MS4A4E: variants seen among roughly 807,000 people sequenced by gnomAD.
MS4A4E encodes membrane spanning 4-domains A4E.
Under a neutral mutation model 13.3 loss-of-function variants are expected in MS4A4E, and 23 were observed. That is an observed-to-expected ratio of 1.73 (90% CI 1.25 to 2.45). The LOEUF (loss-of-function observed/expected upper bound fraction) is 2.45. Among genes scored for constraint, MS4A4E ranks in the 30% most tolerant of loss-of-function variants. The pLI is 0.00. For synonymous variants in MS4A4E, 36 were observed against 45.6 expected, an observed-to-expected ratio of 0.79 and a Z score of 0.85; for missense variants, 144 against 131.2, an observed-to-expected ratio of 1.10 and a Z score of -0.48.
chr11:60,203,249 A>G (rs192471098), intron 8 of MS4A4E, among the ~76,000 whole-genome samples: 4 of 152,144 alleles, frequency 2.6e-5, no homozygotes, highest in African/African-American at 7.2e-5. Context: ...TATGTCACCT[A>G]TCAGTATCAC....
intron 8 of MS4A4E, among the ~76,000 whole-genome samples, chr11:60,202,424 A>G (rs920110244): frequency 6.6e-6 from 1 of 152,218 alleles, no homozygotes; most frequent in South Asian, 2.1e-4. Context: ...TTGCCATTCA[A>G]TCTGGTCAGT....
chr11:60,220,552 C>G (rs1387038194), intron 3 of MS4A4E, among the ~76,000 whole-genome samples: 1 of 152,198 alleles, frequency 6.6e-6, no homozygotes, highest in Non-Finnish European at 1.5e-5. Flanking sequence ...AAATATCACA[C>G]TGGTCCATTA....
At chr11:60,220,772 C>T (rs1358085331) in intron 3 of MS4A4E, among the ~76,000 whole-genome samples, 1 of 152,114 alleles carries the variant, frequency 6.6e-6, no homozygotes, top group Non-Finnish European at 1.5e-5. Flanking sequence ...CTGTATTTGC[C>T]CCCACCCCCT....
At chr11:60,226,840 A>G (rs902550499) in intron 3 of MS4A4E, among the ~76,000 whole-genome samples, 2 of 152,152 alleles carry the variant, frequency 1.3e-5, no homozygotes, top group Admixed American at 1.3e-4. Context: ...AAAAAAATAA[A>G]ACTGCTTTTA....
intron 3 of MS4A4E, among the ~76,000 whole-genome samples, chr11:60,225,327 G>A (rs903535314): frequency 6.6e-5 from 10 of 152,132 alleles, no homozygotes; most frequent in African/African-American, 2.2e-4. Flanking sequence ...GAGTATGCCA[G>A]AACCAGCCCA....
intron 6 of MS4A4E, among the ~76,000 whole-genome samples, chr11:60,207,865 G>C (rs182541067): frequency 6.6e-6 from 1 of 152,288 alleles, no homozygotes; most frequent in East Asian, 1.9e-4. Context: ...AGGTCTCAGG[G>C]TAAGAGAGTG....
chr11:60,202,819 A>G (rs905842360), intron 8 of MS4A4E, among the ~76,000 whole-genome samples: 2 of 152,188 alleles, frequency 1.3e-5, no homozygotes, highest in African/African-American at 4.8e-5. Context: ...GCGTATTACT[A>G]TTGACAGTGG....
intron 4 of MS4A4E, 79 bp downstream of exon 4, chr11:60,214,492 A>G (rs1419719157): frequency 1.9e-6 from 2 of 1,053,822 alleles, no homozygotes; most frequent in African/African-American, 1.7e-5. Context: ...ACAAACAAAC[A>G]AAACCTGTTT....
rs149822502 is a variant in MS4A4E, at chr11:60,213,436, G to C, written c.223-304C>G. On this transcript the variant is annotated intron_variant, in intron 4 of 8. Transcript: ENST00000651255. ...TCTGTGTCCTTCCCTGCCATTCCTT[G>C]CTTCTGGTGCCCGATCTCTTATCAT... 6.0e-3 allele frequency: 4,408 copies of C among 731,582 alleles called. 25 individuals carry two copies. Among genetic ancestry groups the C allele is most frequent in the Non-Finnish European group, 7.9e-3 (3,602 of 453,378 alleles). The allele number at this position is 731,582 out of a possible 1,614,324, so 45.3% of individuals were successfully genotyped here. A position where few individuals can be genotyped will look rare whatever the true frequency, so the allele number is the denominator to read the frequency against.
intron 3 of MS4A4E, among the ~76,000 whole-genome samples, chr11:60,220,456 G>A (rs2084256245): frequency 1.3e-5 from 2 of 152,186 alleles, no homozygotes; most frequent in Non-Finnish European, 2.9e-5. Context: ...TACCTTTACT[G>A]TCCTACCTCA....
chr11:60,218,626 C>T (rs537005625), intron 3 of MS4A4E, among the ~76,000 whole-genome samples: 23 of 151,970 alleles, frequency 1.5e-4, no homozygotes, highest in Non-Finnish European at 3.4e-4. Context: ...TAGTGATGGC[C>T]TTCTCCTCAG....
intron 7 of MS4A4E, among the ~76,000 whole-genome samples, 136 bp downstream of exon 7, chr11:60,205,574 ATTAC>A (rs1208452203): frequency 1.3e-5 from 2 of 152,198 alleles, no homozygotes; most frequent in East Asian, 3.8e-4. Flanking sequence ...AGACAATATT[ATTAC>A]TATTTTGCTG....
chr11:60,211,159 T>C (rs1234002331), intron 5 of MS4A4E, among the ~76,000 whole-genome samples: 2 of 152,184 alleles, frequency 1.3e-5, no homozygotes, highest in African/African-American at 4.8e-5. Context: ...TTCTTCGGGA[T>C]AGCAATAGCA....
At chr11:60,210,918 G>A (rs1378631583) in intron 5 of MS4A4E, among the ~76,000 whole-genome samples, 8 of 152,220 alleles carry the variant, frequency 5.3e-5, no homozygotes, top group South Asian at 2.1e-4. Flanking sequence ...AACCAGCTAC[G>A]TAATTTACAG....
intron 1 of MS4A4E, 73 bp from the exon 2 acceptor site, chr11:60,230,144 T>C: frequency 6.8e-7 from 1 of 1,468,226 alleles, no homozygotes; most frequent in African/African-American, 1.4e-5. Context: ...TTGGGGCAGA[T>C]TCCTCCCTAA....
At position 60,201,713 on chromosome 11, in the gene MS4A4E, G is replaced by T. The variant is rs369904097; in HGVS notation, c.826C>A (p.Pro276Thr). The T allele has an allele frequency of 7.0e-5, 17 of 243,286 alleles. 1 individual carries two copies. In the Middle Eastern group the frequency reaches 6.0e-3, roughly 86 times the overall value. The allele number at this position is 243,286 out of a possible 1,614,324, so 15.1% of individuals were successfully genotyped here. Reference sequence around the variant, plus strand: ...CTCCTCACGTCCCAGACGATAGGCGGCCAGGCAGAGACGCTCCTCACTTCC... The same window carrying T: ...CTCCTCACGTCCCAGACGATAGGCGTCCAGGCAGAGACGCTCCTCACTTCC... ...VWEVRSVSAWPPIVWDVRSPS... is the reference protein window; with the variant it reads ...VWEVRSVSAWTPIVWDVRSPS... Residue 276 changes from proline (P) to threonine (T), a missense_variant, in exon 9 of 9, where the codon CCG becomes ACG. Physicochemically the swap from Pro to Thr is conservative, Grantham distance 38. This residue lies in a region of MS4A4E where 21 missense variants were observed against 25.1 expected (regional missense o/e 0.84). Transcript: ENST00000651255.
rs982621687 is a variant in MS4A4E, at chr11:60,212,981, A to G, written c.374T>C (p.Ile125Thr). The G allele has an allele frequency of 9.9e-6, 3 of 303,180 alleles. No individual in the cohort carries two copies. The highest frequency in any genetic ancestry group is 2.2e-5 in the African/African-American group (1 of 46,338). The allele number at this position is 303,180 out of a possible 1,614,324, so 18.8% of individuals were successfully genotyped here. ...LSSNCYMTMS[I>T]LMGTDGMVLL... ...AAAAGAGAAAACACTCACCATTAAA[A>G]TGGACATAGTCATGTAACAATTACT... The change falls in exon 5 of 9, where the codon ATT becomes ACT. Residue 125 changes from isoleucine to threonine, a missense_variant. This residue lies in a region of MS4A4E where 119 missense variants were observed against 88.7 expected (regional missense o/e 1.34). Transcript: ENST00000651255.
chr11:60,228,566 T>G (rs1276389236), intron 3 of MS4A4E, 28 bp downstream of exon 3: 2 of 668,678 alleles, frequency 3.0e-6, no homozygotes, highest in Admixed American at 4.4e-5. Context: ...AACATACTCT[T>G]ACAATACAAT....
intron 1 of MS4A4E, among the ~76,000 whole-genome samples, chr11:60,242,569 G>T (rs2084564454): frequency 6.6e-6 from 1 of 152,162 alleles, no homozygotes; most frequent in Non-Finnish European, 1.5e-5. Context: ...TAACCAGTCA[G>T]AGACAAAGAA....
Sources: allele counts gnomAD v4.1 joint callset (sites outside exome capture counted in the v4.1 genomes callset), GRCh38; gene constraint gnomAD v4.1.1; regional missense constraint gnomAD v4.1.1; transcripts MANE v1.5; gene names NCBI Gene and HGNC (gene_info 2026-07-23, HGNC 2026-07-21).